Variants in NAA25 observed in about 807,000 individuals in gnomAD.
The protein encoded by NAA25 is N-alpha-acetyltransferase 25, NatB auxiliary subunit, also known as N-terminal acetyltransferase B complex subunit NAA25.
NAA25 carries 30 observed loss-of-function variants against 132.5 expected under a neutral mutation model. The observed-to-expected ratio is 0.23, with a 90% CI of 0.17 to 0.31. NAA25 has a LOEUF of 0.31. NAA25 is among the 10% of genes least tolerant of loss of function. NAA25 has a pLI of 1.00. For missense variants in NAA25, 771 were observed against 1,150.4 expected, an observed-to-expected ratio of 0.67 and a Z score of 4.77; for synonymous variants, 359 against 401.9, an observed-to-expected ratio of 0.89 and a Z score of 1.28.
At chr12:112,069,340 C>T in intron 10 of NAA25, 1 of 215,526 alleles carries the variant, frequency 4.6e-6, no homozygotes, top group Non-Finnish European at 9.4e-6. Context: ...CCCATCTCTA[C>T]TAAAAGTACA....
In NAA25 at chr12:112,068,795, T is replaced by C. The variant is rs151101855; in HGVS notation, c.1149+85A>G. 601 of 738,848 alleles carry C rather than the reference T, an allele frequency of 8.1e-4. 3 individuals are homozygous for C. The African/African-American group carries it at 9.6e-3, about 12-fold the overall frequency. The allele number at this position is 738,848 out of a possible 1,614,324, so 45.8% of individuals were successfully genotyped here. Reference sequence around the variant, plus strand: ...ATCTCATGATTATCAATTCCGCACATTTTAGAAAAGAAACCCAAACATTTA... The same window carrying C: ...ATCTCATGATTATCAATTCCGCACACTTTAGAAAAGAAACCCAAACATTTA... On this transcript the variant is annotated intron_variant, in intron 11 of 23. Transcript: ENST00000261745.
intron 20 of NAA25, 65 bp from the exon 21 acceptor site, chr12:112,040,643 C>A (rs935400365): frequency 8.4e-6 from 7 of 837,728 alleles, no homozygotes; most frequent in African/African-American, 1.7e-5. Context: ...AGGAACACAA[C>A]ACACAAATAA....
intron 15 of NAA25, 113 bp from the exon 16 acceptor site, chr12:112,048,556 C>A (rs2078421052): frequency 5.9e-6 from 5 of 842,056 alleles, no homozygotes; most frequent in South Asian, 3.5e-5. Context: ...TAAATCTAAT[C>A]TTTAAAGGTC....
intron 23 of NAA25, among the ~76,000 whole-genome samples, chr12:112,031,377 T>C (rs1315878916): frequency 1.3e-5 from 2 of 152,258 alleles, no homozygotes; most frequent in African/African-American, 4.8e-5. Context: ...TAGTGCTCAG[T>C]AACTATATGA....
rs969760842 is a variant in NAA25, at chr12:112,075,568, TAAG to T, written c.776+107_776+109del. 136 of 818,202 alleles carry T rather than the reference TAAG, an allele frequency of 1.7e-4. 1 individual carries two copies. The highest frequency in any genetic ancestry group is 2.4e-4 in the Middle Eastern group (1 of 4,118). 50.7% of individuals were successfully genotyped at this position (818,202 alleles called of 1,614,324 possible). A position where few individuals can be genotyped will look rare whatever the true frequency, so the allele number is the denominator to read the frequency against. On this transcript the variant is annotated intron_variant, in intron 8 of 23. Coordinates refer to ENST00000261745, the MANE Select transcript of NAA25 (RefSeq NM_024953.4). ...AGAAACATGCAGGACACAACTACTA[TAAG>T]AAGACTTTATGCCCAGAAACTTCAA...
At chr12:112,080,008 C>T (rs569484516) in intron 5 of NAA25, among the ~76,000 whole-genome samples, 1 of 152,120 alleles carries the variant, frequency 6.6e-6, no homozygotes, top group South Asian at 2.1e-4. Flanking sequence ...GGGCCAGGCG[C>T]GGTGGCTCAT....
intron 11 of NAA25, 80 bp from the exon 12 acceptor site, chr12:112,061,468 G>A (rs2136860807): frequency 2.9e-6 from 3 of 1,018,632 alleles, no homozygotes; most frequent in Non-Finnish European, 4.5e-6. Context: ...GAAATTGAAT[G>A]GTCTAGAAAA....
intron 10 of NAA25, among the ~76,000 whole-genome samples, chr12:112,069,484 C>T (rs1453281356): frequency 1.3e-5 from 2 of 152,094 alleles, no homozygotes; most frequent in African/African-American, 2.4e-5. Flanking sequence ...TCCTGAGCAA[C>T]AGAGCAAGAC....
intron 1 of NAA25, among the ~76,000 whole-genome samples, chr12:112,104,851 A>G (rs1211896703): frequency 6.6e-6 from 1 of 151,500 alleles, no homozygotes. Context: ...AAAAAACAAA[A>G]CAAAAACAAA....
intron 22 of NAA25, chr12:112,037,769 T>C (rs1342722434): frequency 6.6e-6 from 1 of 151,048 alleles, no homozygotes; most frequent in Non-Finnish European, 1.5e-5. Flanking sequence ...ATGTCTATAT[T>C]TAACTTCAAT....
chr12:112,078,786 G>T, intron 5 of NAA25, 45 bp from the exon 6 acceptor site: 1 of 1,464,258 alleles, frequency 6.8e-7, no homozygotes, highest in Non-Finnish European at 9.5e-7. Flanking sequence ...TCCCCTGCTT[G>T]CACTATTGAT....
At chr12:112,078,148 A>AG in intron 7 of NAA25, 40 bp downstream of exon 7, 1 of 1,366,872 alleles carries the variant, frequency 7.3e-7, no homozygotes, top group Non-Finnish European at 1.0e-6. Flanking sequence ...ATGTTTAAAT[A>AG]GGAAAAAAAA....
chr12:112,095,066 C>T (rs1749758921), intron 1 of NAA25, among the ~76,000 whole-genome samples: 6 of 152,102 alleles, frequency 3.9e-5, no homozygotes, highest in Admixed American at 3.9e-4. Flanking sequence ...CTTAGGAAGG[C>T]TGAAGCGGGA....
rs771562906 is a variant in NAA25, at chr12:112,108,766, G to A, written c.8C>T (p.Thr3Met). The stretch of plus-strand genomic sequence containing the variant: ...GTTAGGGTCCTGCACATGGCCCCGC[G>A]TCGCCATGATGACAAGCGCAGAACC... Reference protein sequence around the residue: MATRGHVQDPNDR... With the variant: MAMRGHVQDPNDR... Residue 3 changes from threonine to methionine, a missense_variant, in exon 1 of 24, where the codon ACG (threonine) becomes ATG (methionine). Physicochemically the swap from Thr to Met is moderately conservative, Grantham distance 81 (BLOSUM62 -1). Around this residue, in one of 3 missense-constraint regions of NAA25, gnomAD observed 30 missense variants for 16.6 expected, o/e 1.81. Transcript: ENST00000261745. 3 of 1,522,678 alleles carry A rather than the reference G, an allele frequency of 2.0e-6. No homozygotes were observed. Among genetic ancestry groups the A allele is most frequent in the Admixed American group, 4.1e-5 (2 of 48,752 alleles). The allele number at this position is 1,522,678 out of a possible 1,614,324, so 94.3% of individuals were successfully genotyped here.
chr12:112,091,443 C>T (rs1193330780), intron 2 of NAA25, among the ~76,000 whole-genome samples: 1 of 151,988 alleles, frequency 6.6e-6, no homozygotes, highest in Non-Finnish European at 1.5e-5. Context: ...AACCCCAGCA[C>T]TTTGGAAGGC....
At chr12:112,092,379 C>T (rs930751273) in intron 2 of NAA25, among the ~76,000 whole-genome samples, 1 of 151,968 alleles carries the variant, frequency 6.6e-6, no homozygotes, top group Non-Finnish European at 1.5e-5. Flanking sequence ...AACCCCAGCA[C>T]TCTGGGAGGC....
intron 1 of NAA25, among the ~76,000 whole-genome samples, chr12:112,108,403 G>A (rs1227147696): frequency 6.6e-6 from 1 of 152,232 alleles, no homozygotes; most frequent in Non-Finnish European, 1.5e-5. Flanking sequence ...GTCTCCCTAG[G>A]AGCGGCGGTA....
rs1324281206 is a variant in NAA25, at chr12:112,039,319, C to G, written c.2559G>C (p.Trp853Cys). Reference protein sequence around the residue: ...FFVETISVILWVSSYCESVLR... With the variant: ...FFVETISVILCVSSYCESVLR... ...GGACACTCTCACAGTAACTGGATAC[C>G]CAAAGGATAACAGAAATAGTCTGAA... The change falls in exon 22 of 24, where the codon TGG (tryptophan) becomes TGC (cysteine). Residue 853 changes from tryptophan to cysteine, a missense_variant. This residue lies in a region of NAA25 where 324 missense variants were observed against 400.0 expected (regional missense o/e 0.81). Transcript: ENST00000261745. 1 of 1,606,678 alleles carries G rather than the reference C, an allele frequency of 6.2e-7. No individual in the cohort carries two copies. Among genetic ancestry groups the G allele is most frequent in the Admixed American group, 1.7e-5 (1 of 59,282 alleles).
At chr12:112,099,911 A>G (rs2136943754) in intron 1 of NAA25, among the ~76,000 whole-genome samples, 1 of 152,384 alleles carries the variant, frequency 6.6e-6, no homozygotes, top group Middle Eastern at 3.4e-3. Flanking sequence ...TTCAGAGACT[A>G]TTAAAGATAT....
Sources: allele counts gnomAD v4.1 joint callset (sites outside exome capture counted in the v4.1 genomes callset), GRCh38; gene constraint gnomAD v4.1.1; regional missense constraint gnomAD v4.1.1; transcripts MANE v1.5; gene names NCBI Gene and HGNC (gene_info 2026-07-23, HGNC 2026-07-21).